The following MTF2 variants were observed in gnomAD, a reference collection of about 807,000 sequenced individuals.
MTF2 encodes the protein metal-response element-binding transcription factor 2.
A neutral mutation model predicts 79.5 loss-of-function variants in MTF2; 11 were observed. That is an observed-to-expected ratio of 0.14 (90% CI 0.09 to 0.23). MTF2 has a LOEUF of 0.23. Ranked by LOEUF, MTF2 falls within the 10% of genes least tolerant of loss-of-function variation. The pLI is 1.00. For missense variants in MTF2, 486 were observed against 711.2 expected (o/e 0.68, Z 3.60); for synonymous variants, 208 against 232.8 (o/e 0.89, Z 0.97).
chr1:93,125,541 A>G (rs1656661247), intron 9 of MTF2, among the ~76,000 whole-genome samples: 1 of 152,070 alleles, frequency 6.6e-6, no homozygotes, highest in South Asian at 2.1e-4. Context: ...TTCTAGAAGG[A>G]TGACAGAATC....
intron 1 of MTF2, among the ~76,000 whole-genome samples, chr1:93,085,131 G>A (rs1654782072): frequency 6.6e-6 from 1 of 151,750 alleles, no homozygotes; most frequent in Admixed American, 6.6e-5. Flanking sequence ...AAATTTCAAA[G>A]CATTGTCATT....
intron 1 of MTF2, among the ~76,000 whole-genome samples, chr1:93,094,622 G>A (rs495580): frequency 0.8 from 121,818 of 151,820 alleles, 51,599 homozygotes; most frequent in East Asian, 0.93. Context: ...GTGTAGTTGA[G>A]CATATTTCTC....
At chr1:93,121,883 C>T (rs1656500171) in intron 9 of MTF2, 1 of 392,496 alleles carries the variant, frequency 2.5e-6, no homozygotes. Flanking sequence ...CTCACCGCAA[C>T]CTCCGCCTCC....
chr1:93,127,173 C>T, intron 9 of MTF2, 59 bp from the exon 10 acceptor site: 1 of 1,168,594 alleles, frequency 8.6e-7, no homozygotes, highest in Non-Finnish European at 1.3e-6. Context: ...TATCTAGCAC[C>T]TGTATATTAC....
chr1:93,089,202 A>G (rs756176997), intron 1 of MTF2, among the ~76,000 whole-genome samples: 17 of 152,180 alleles, frequency 1.1e-4, no homozygotes, highest in Admixed American at 2.6e-4. Context: ...GCAATTTTCA[A>G]GTGAGGTGAA....
intron 10 of MTF2, chr1:93,128,972 T>G: frequency 1.0e-5 from 2 of 192,326 alleles, no homozygotes; most frequent in Non-Finnish European, 2.1e-5. Context: ...TGGGAAAGCA[T>G]ATTGGGACCA....
At chr1:93,128,113 T>C (rs920115145) in intron 10 of MTF2, among the ~76,000 whole-genome samples, 1 of 152,026 alleles carries the variant, frequency 6.6e-6, no homozygotes, top group African/African-American at 2.4e-5. Context: ...AAAAAGACTG[T>C]AAAAAAGTCA....
rs1373345125 is a variant in MTF2, at chr1:93,133,918, T to A, written c.1267-10T>A. On this transcript the variant is annotated splice_polypyrimidine_tract_variant and intron_variant, in intron 12 of 14. Transcript: ENST00000370298. ...GAGACATGCTTTAAGTATATATTTT[T>A]ATTTTCCAGGATAAGGAATCAATTT... 1 of 1,565,304 alleles carries A rather than the reference T, an allele frequency of 6.4e-7. No homozygotes were observed. Among genetic ancestry groups the A allele is most frequent in the Non-Finnish European group, 8.8e-7 (1 of 1,141,174 alleles).
intron 3 of MTF2, among the ~76,000 whole-genome samples, chr1:93,113,082 G>A (rs902676127): frequency 5.9e-5 from 9 of 152,124 alleles, no homozygotes; most frequent in African/African-American, 2.2e-4. Flanking sequence ...TCAACGAAGT[G>A]TACCAAGAAG....
In MTF2 at chr1:93,138,524, T is replaced by C. The variant is rs1342640768; in HGVS notation, c.*1497T>C. 2.0e-5 allele frequency: 3 copies of C among 152,348 alleles called. No homozygotes were observed. The highest frequency in any genetic ancestry group is 7.2e-5 in the African/African-American group (3 of 41,590). The allele number at this position is 152,348 out of a possible 1,614,324, so 9.4% of individuals were successfully genotyped here. On this transcript the variant is annotated 3_prime_UTR_variant, in exon 15 of 15. Transcript: ENST00000370298. ...AAGTTGCTTTATTTCTTTAAACATC[T>C]TCAAAAGATGATCCTTTCTTGTCAC...
chr1:93,086,279 G>A (rs997501707), intron 1 of MTF2, among the ~76,000 whole-genome samples: 4 of 152,072 alleles, frequency 2.6e-5, no homozygotes, highest in Non-Finnish European at 5.9e-5. Flanking sequence ...TGAGGCGGGC[G>A]GATCGCTTGA....
At chr1:93,099,568 A>T (rs1655444095) in intron 1 of MTF2, among the ~76,000 whole-genome samples, 1 of 152,202 alleles carries the variant, frequency 6.6e-6, no homozygotes, top group Non-Finnish European at 1.5e-5. Flanking sequence ...TATTTTCAAC[A>T]TTAAATTCTG....
intron 3 of MTF2, 107 bp from the exon 4 acceptor site, chr1:93,114,581 T>C (rs1027178404): frequency 5.9e-6 from 4 of 682,878 alleles, no homozygotes; most frequent in Admixed American, 3.3e-5. Flanking sequence ...CATTATGATG[T>C]ACTTAGCAAA....
At chr1:93,098,534 A>G (rs1655393176) in intron 1 of MTF2, among the ~76,000 whole-genome samples, 1 of 152,156 alleles carries the variant, frequency 6.6e-6, no homozygotes, top group African/African-American at 2.4e-5. Flanking sequence ...TACAATAATC[A>G]TGTTTTCCTT....
chr1:93,107,680 A>G (rs1192181966), intron 1 of MTF2, among the ~76,000 whole-genome samples: 3 of 149,622 alleles, frequency 2.0e-5, no homozygotes, highest in African/African-American at 7.3e-5. Flanking sequence ...TGAAGTGACA[A>G]TCTACGTTTT....
chr1:93,110,299 A>G lies in MTF2; in HGVS notation c.75A>G (p.Pro25=), dbSNP rs1168595496. Residue 25 remains proline, a synonymous_variant, in exon 2 of 15, where the codon CCA becomes CCG. Coordinates refer to ENST00000370298, the MANE Select transcript of MTF2 (RefSeq NM_007358.4). ...CTTTACGTCGAAACCAAAAGACCCC[A>G]ACATCCTTGACCAAGCTGTCTTTAC... ...RSPLRRNQKT[P]TSLTKLSLQD... 5 of 1,614,032 alleles carry G rather than the reference A, an allele frequency of 3.1e-6. No individual in the cohort carries two copies. The East Asian group carries it at 6.7e-5, about 22-fold the overall frequency.
At chr1:93,115,317 A>G (rs74101439) in intron 5 of MTF2, among the ~76,000 whole-genome samples, 153 bp from the exon 6 acceptor site, 12,546 of 152,290 alleles carry the variant, frequency 0.082, 1,684 homozygotes, top group African/African-American at 0.29. Flanking sequence ...AGAAGAAAAG[A>G]AAAATAGAGA....
chr1:93,123,755 A>G (rs1362006965), intron 9 of MTF2, among the ~76,000 whole-genome samples: 1 of 124,736 alleles, frequency 8.0e-6, no homozygotes, highest in Non-Finnish European at 1.7e-5. Flanking sequence ...TGTTTCGTGT[A>G]TTGTGTCCCC....
At chr1:93,115,386 A>C in intron 5 of MTF2, 84 bp from the exon 6 acceptor site, 1 of 1,114,762 alleles carries the variant, frequency 9.0e-7, no homozygotes, top group Non-Finnish European at 1.2e-6. Context: ...ATTTCTCCAG[A>C]AGTGTCAGAG....
Sources: allele counts gnomAD v4.1 joint callset (sites outside exome capture counted in the v4.1 genomes callset), GRCh38; gene constraint gnomAD v4.1.1; transcripts MANE v1.5; gene names NCBI Gene and HGNC (gene_info 2026-07-23, HGNC 2026-07-21).